Variants in ZNF124 observed in about 807,000 individuals in gnomAD.
ZNF124 encodes the protein zinc finger protein 124.
In ZNF124, 25 loss-of-function variants were observed where a neutral mutation model predicts 26.6. The observed-to-expected ratio is 0.94, with a 90% CI of 0.68 to 1.31. The LOEUF (loss-of-function observed/expected upper bound fraction) is 1.31. Ranked by LOEUF, ZNF124 falls within the 40% of genes most tolerant of loss-of-function variation. ZNF124 has a pLI of 0.00. For synonymous variants in ZNF124, 129 were observed against 133.3 expected, an observed-to-expected ratio of 0.97 and a Z score of 0.22; for missense variants, 444 against 422.2, an observed-to-expected ratio of 1.05 and a Z score of -0.45.
intron 3 of ZNF124, among the ~76,000 whole-genome samples, chr1:247,140,213 CT>C (rs1301245634): frequency 6.6e-6 from 1 of 152,150 alleles, no homozygotes; most frequent in Non-Finnish European, 1.5e-5. Context: ...TTCTGACTGT[CT>C]TATTTCAGAG....
At chr1:247,139,401 G>A (rs1282602450) in intron 3 of ZNF124, among the ~76,000 whole-genome samples, 2 of 152,184 alleles carry the variant, frequency 1.3e-5, no homozygotes, top group Non-Finnish European at 2.9e-5. Context: ...CTAGGTCACT[G>A]CATGGGTCTC....
intron 1 of ZNF124, among the ~76,000 whole-genome samples, chr1:247,162,200 CA>C (rs1425047251): frequency 6.6e-6 from 1 of 152,110 alleles, no homozygotes; most frequent in Non-Finnish European, 1.5e-5. Context: ...AGCAAGCATA[CA>C]AACAAGTCTG....
Position 247,157,075 on chromosome 1 carries a change from A to T in ZNF124, c.547T>A (p.Cys183Ser), listed in dbSNP as rs1486479667. 6.2e-7 allele frequency: 1 copy of T among 1,614,066 alleles called. No individual in the cohort carries two copies. Among genetic ancestry groups the T allele is most frequent in the East Asian group, 2.2e-5 (1 of 44,894 alleles). ...CTGGAACGACTGAAGGCTTTCCCAC[A>T]TTGCTTACATTCATAGCGTTTTTCT... ...TGEKRYECKQCGKAFSRSSHL... is the reference protein window; with the variant it reads ...TGEKRYECKQSGKAFSRSSHL... Residue 183 changes from cysteine to serine, a missense_variant, in exon 4 of 4, where the codon TGT (cysteine) becomes AGT (serine). Cys to Ser is a moderately radical substitution (Grantham distance 112). Transcript: ENST00000543802.
At position 247,159,023 on chromosome 1, in the gene ZNF124, A is replaced by G. The variant is rs146175944; in HGVS notation, c.201T>C (p.Asn67=). 4.0e-5 allele frequency: 64 copies of G among 1,613,422 alleles called. 1 individual carries two copies. The highest frequency in any genetic ancestry group is 9.3e-5 in the African/African-American group (7 of 74,886). Residue 67 remains asparagine (N), a synonymous_variant, in exon 3 of 4, where the codon AAT becomes AAC. Transcript: ENST00000543802. ...CAAATTACCTTAGATTTCTTGAAGA[A>G]TTTTTGTACTGATCTTCAATGCTCT... ...EDQSIEDQYK[N]SSRNLRHIIS...
At chr1:247,130,386 C>G (rs1362384815) in intron 3 of ZNF124, among the ~76,000 whole-genome samples, 3 of 152,176 alleles carry the variant, frequency 2.0e-5, no homozygotes, top group Non-Finnish European at 2.9e-5. Flanking sequence ...GGGACACTGT[C>G]TTCCATTATG....
intron 3 of ZNF124, among the ~76,000 whole-genome samples, chr1:247,138,973 A>G (rs767988455): frequency 6.6e-6 from 1 of 152,166 alleles, no homozygotes; most frequent in Non-Finnish European, 1.5e-5. Context: ...GAATGCAACC[A>G]TTGTCTCTTA....
chr1:247,160,255 A>G (rs12409976), intron 1 of ZNF124, among the ~76,000 whole-genome samples: 17,379 of 152,242 alleles, frequency 0.11, 1,268 homozygotes, highest in African/African-American at 0.18. Flanking sequence ...AAGTGCTGGG[A>G]TAACAGGCGT....
Position 247,156,748 on chromosome 1 carries a change from A to T in ZNF124, c.874T>A (p.Cys292Ser), listed in dbSNP as rs189653677. 1 of 1,613,092 alleles carries T rather than the reference A, an allele frequency of 6.2e-7. No individual in the cohort carries two copies. Among genetic ancestry groups the T allele is most frequent in the East Asian group, 2.2e-5 (1 of 44,862 alleles). ...CTGAAGCCTTTACCACAATTGTTAC[A>T]TACATAGGGTTTCTGTGCAATATGA... is the stretch of plus-strand genomic sequence containing the variant. Reference protein sequence around the residue: ...KTHIAQKPYVCNNCGKGFRCS... With the variant: ...KTHIAQKPYVSNNCGKGFRCS... Residue 292 changes from cysteine to serine, a missense_variant, in exon 4 of 4, where the codon TGT (cysteine) becomes AGT (serine). Coordinates refer to ENST00000543802, the MANE Select transcript of ZNF124 (RefSeq NM_001297568.2).
intron 3 of ZNF124, among the ~76,000 whole-genome samples, chr1:247,146,438 C>G (rs1672781155): frequency 6.6e-6 from 1 of 152,206 alleles, no homozygotes; most frequent in South Asian, 2.1e-4. Flanking sequence ...CAGCCCCCAG[C>G]CCTCCTTGAG....
At chr1:247,128,072 C>T (rs376065859) in intron 3 of ZNF124, among the ~76,000 whole-genome samples, 3 of 152,150 alleles carry the variant, frequency 2.0e-5, no homozygotes, top group Non-Finnish European at 4.4e-5. Context: ...GTTTCTTCCT[C>T]GTACTCTCAA....
chr1:247,169,262 G>C (rs1290389009), intron 1 of ZNF124, among the ~76,000 whole-genome samples: 3 of 152,108 alleles, frequency 2.0e-5, no homozygotes, highest in Non-Finnish European at 2.9e-5. Context: ...TCTCAAGCAG[G>C]AGATTCCCTG....
chr1:247,132,564 G>A (rs1236928077), intron 3 of ZNF124, among the ~76,000 whole-genome samples: 1 of 152,158 alleles, frequency 6.6e-6, no homozygotes, highest in African/African-American at 2.4e-5. Context: ...GAATAAGGGA[G>A]GAGACCACCC....
rs563566915 is a variant in ZNF124, at chr1:247,159,514, T to G, written c.157+173A>C. ...GTAAATTACCCAGGATCAGGTATTC[T>G]GTTATCACAATTAAAAAATAGACTA... On this transcript the variant is annotated intron_variant, in intron 2 of 3. Transcript: ENST00000543802. 1.4e-4 allele frequency among the ~76,000 whole-genome samples: 22 copies of G among 152,344 alleles called. No homozygotes were observed. In the South Asian group the frequency reaches 4.6e-3, roughly 32 times the overall value.
intron 3 of ZNF124, among the ~76,000 whole-genome samples, chr1:247,133,500 A>G (rs934829996): frequency 5.9e-5 from 9 of 152,112 alleles, no homozygotes; most frequent in Admixed American, 5.9e-4. Context: ...CAAATTCTCC[A>G]AGGTCAAAAT....
At chr1:247,149,759 C>T (rs1278856053) in intron 3 of ZNF124, 1 of 152,218 alleles carries the variant, frequency 6.6e-6, no homozygotes, top group African/African-American at 2.4e-5. Context: ...TTCTAATGTA[C>T]AGCACGGGTG....
chr1:247,150,773 T>C (rs527713825), downstream of ZNF124, among the ~76,000 whole-genome samples: 1 of 142,442 alleles, frequency 7.0e-6, no homozygotes, highest in Admixed American at 6.7e-5. Context: ...CACTCAATTA[T>C]GAATGAATTG....
At chr1:247,123,019 G>A (rs980918683) in exon 4 of ZNF124, 1 of 152,168 alleles carries the variant, frequency 6.6e-6, no homozygotes, top group African/African-American at 2.4e-5. Context: ...ATGCCTGGAG[G>A]TGGGACAGCC....
At chr1:247,128,698 GGAA>G (rs1672274810) in intron 3 of ZNF124, among the ~76,000 whole-genome samples, 1 of 149,894 alleles carries the variant, frequency 6.7e-6, no homozygotes, top group Non-Finnish European at 1.5e-5. Context: ...TGGTATTGAG[GGAA>G]GAAAGAATTT....
intron 3 of ZNF124, among the ~76,000 whole-genome samples, chr1:247,142,565 C>T (rs767414887): frequency 2.0e-5 from 3 of 152,136 alleles, no homozygotes; most frequent in Non-Finnish European, 4.4e-5. Flanking sequence ...CTTCACTCTC[C>T]CAGGCCGAGT....
Sources: gnomAD v4.1 joint callset for allele counts (sites outside exome capture counted in the v4.1 genomes callset) on GRCh38, gnomAD v4.1.1 for gene constraint, MANE v1.5 for transcripts, NCBI Gene and HGNC (gene_info 2026-07-23, HGNC 2026-07-21) for gene names.